The following WDR70 variants were observed in gnomAD, a reference collection of about 807,000 sequenced individuals.
WDR70 encodes WD repeat-containing protein 70.
A neutral mutation model predicts 88.6 loss-of-function variants in WDR70; 53 were observed. That is an observed-to-expected ratio of 0.60 (90% confidence interval 0.48 to 0.75). The LOEUF is 0.75. Ranked by LOEUF, WDR70 falls within the 30% of genes least tolerant of loss-of-function variation. The pLI, the probability that WDR70 is intolerant of heterozygous loss-of-function variation, is 0.00. For missense variants in WDR70, 610 were observed against 823.2 expected (o/e 0.74, Z 3.17); for synonymous variants, 280 against 270.0 (o/e 1.04, Z -0.36).
rs903734941 is a variant in WDR70 at position 37,580,404 on chromosome 5, A to T, written c.918-24660A>T. On this transcript the variant is annotated intron_variant, in intron 9 of 17. Transcript: ENST00000265107. ...AAGAGGGCTTCAAATCAGCCTGGATATTACCTACCATTGCTCTGGGTCTGA... is the reference window on the plus strand; with the variant it reads ...AAGAGGGCTTCAAATCAGCCTGGATTTTACCTACCATTGCTCTGGGTCTGA... Among the ~76,000 whole-genome samples the T allele has an allele frequency of 2.6e-5, 4 of 152,302 alleles. No individual in the cohort carries two copies. In the South Asian group the frequency reaches 8.3e-4, roughly 32 times the overall value.
chr5:37,633,560 A>G (rs1744876268), intron 10 of WDR70, among the ~76,000 whole-genome samples: 1 of 151,992 alleles, frequency 6.6e-6, no homozygotes, highest in Admixed American at 6.6e-5. Context: ...CCTATAAACC[A>G]TTTATTAGCA....
chr5:37,385,495 A>C (rs1748579602), intron 3 of WDR70, among the ~76,000 whole-genome samples: 1 of 133,272 alleles, frequency 7.5e-6, no homozygotes, highest in South Asian at 2.6e-4. Flanking sequence ...TCACAGCCTG[A>C]GTAAAAAAGC....
At chr5:37,572,225 G>T (rs139047257) in intron 9 of WDR70, among the ~76,000 whole-genome samples, 1 of 152,170 alleles carries the variant, frequency 6.6e-6, no homozygotes, top group Non-Finnish European at 1.5e-5. Context: ...CATTGTAGGA[G>T]AAATACACTG....
At chr5:37,722,830 A>G (rs1392046953) in intron 14 of WDR70, 25 bp from the exon 15 acceptor site, 1 of 1,611,392 alleles carries the variant, frequency 6.2e-7, no homozygotes, top group South Asian at 1.1e-5. Context: ...AAGTAAAGAA[A>G]ATAATTTGCT....
chr5:37,539,775 G>A (rs1490610841), intron 9 of WDR70, among the ~76,000 whole-genome samples: 1 of 152,152 alleles, frequency 6.6e-6, no homozygotes, highest in Non-Finnish European at 1.5e-5. Context: ...AGAGACATTA[G>A]TACATCACTA....
chr5:37,606,496 G>C (rs1277234284), intron 10 of WDR70, among the ~76,000 whole-genome samples: 1 of 152,070 alleles, frequency 6.6e-6, no homozygotes, highest in Non-Finnish European at 1.5e-5. Context: ...AGTGTTTTTT[G>C]TATAGTGTAT....
intron 5 of WDR70, among the ~76,000 whole-genome samples, chr5:37,433,446 ACTCT>A (rs1482406152): frequency 6.6e-6 from 1 of 151,670 alleles, no homozygotes; most frequent in Non-Finnish European, 1.5e-5. Flanking sequence ...CTGATTTGGA[ACTCT>A]CTCTCTGGCT....
At chr5:37,722,539 G>A (rs1561091092) in intron 14 of WDR70, 3 of 282,294 alleles carry the variant, frequency 1.1e-5, no homozygotes, top group East Asian at 7.9e-5. Flanking sequence ...AGAGTGAAAA[G>A]GTTGGGTAAT....
At chr5:37,727,466 G>A (rs900280636) in intron 17 of WDR70, among the ~76,000 whole-genome samples, 2 of 152,126 alleles carry the variant, frequency 1.3e-5, no homozygotes, top group African/African-American at 4.8e-5. Flanking sequence ...CTGCCTGCTC[G>A]TATTCCCTCA....
intron 7 of WDR70, among the ~76,000 whole-genome samples, chr5:37,464,188 T>C (rs1739092274): frequency 6.6e-6 from 1 of 152,230 alleles, no homozygotes; most frequent in South Asian, 2.1e-4. Context: ...TTTTCATGGT[T>C]ACTGGAGAAA....
intron 8 of WDR70, among the ~76,000 whole-genome samples, chr5:37,509,181 CTTTTTCTAA>C (rs967403385): frequency 3.3e-5 from 5 of 151,974 alleles, no homozygotes; most frequent in African/African-American, 1.2e-4. Flanking sequence ...TACTTGCCTT[CTTTTTCTAA>C]TATTTTAAGA....
At chr5:37,712,686 A>T (rs1747546784) in intron 13 of WDR70, among the ~76,000 whole-genome samples, 1 of 151,470 alleles carries the variant, frequency 6.6e-6, no homozygotes, top group African/African-American at 2.4e-5. Flanking sequence ...TTATCTCTTT[A>T]AAAAAAAACT....
intron 7 of WDR70, among the ~76,000 whole-genome samples, chr5:37,477,010 C>T (rs979272153): frequency 2.6e-5 from 4 of 152,150 alleles, no homozygotes; most frequent in African/African-American, 7.2e-5. Flanking sequence ...AAAGTGGACC[C>T]GTGCAGTTCA....
At chr5:37,640,464 T>C (rs1311208801) in intron 10 of WDR70, among the ~76,000 whole-genome samples, 2 of 152,154 alleles carry the variant, frequency 1.3e-5, no homozygotes, top group African/African-American at 4.8e-5. Context: ...GTTTTTTTCA[T>C]TGAGAGAATG....
At chr5:37,685,901 C>G (rs79867373) in intron 10 of WDR70, among the ~76,000 whole-genome samples, 1 of 152,186 alleles carries the variant, frequency 6.6e-6, no homozygotes, top group African/African-American at 2.4e-5. Flanking sequence ...AAGTTCCCAG[C>G]TTCCTCCCCC....
chr5:37,571,855 A>G (rs939118961), intron 9 of WDR70, among the ~76,000 whole-genome samples: 1 of 152,018 alleles, frequency 6.6e-6, no homozygotes, highest in Admixed American at 6.6e-5. Context: ...TATGTAAAGG[A>G]TATTTCTAAT....
intron 8 of WDR70, 36 bp downstream of exon 8, chr5:37,480,023 C>A: frequency 6.3e-7 from 1 of 1,580,040 alleles, no homozygotes; most frequent in South Asian, 1.2e-5. Context: ...TGAATTAATT[C>A]AGCACACATT....
chr5:37,724,839 T>C, intron 15 of WDR70, 95 bp from the exon 16 acceptor site: 1 of 1,168,576 alleles, frequency 8.6e-7, no homozygotes, highest in Non-Finnish European at 1.3e-6. Context: ...TCATTATGAC[T>C]TCCATTTCAT....
intron 8 of WDR70, among the ~76,000 whole-genome samples, chr5:37,499,916 T>G (rs1231811574): frequency 6.6e-6 from 1 of 152,172 alleles, no homozygotes; most frequent in East Asian, 1.9e-4. Flanking sequence ...TTTATCAATT[T>G]TTTTCTTTAT....
Sources: allele counts gnomAD v4.1 joint callset (sites outside exome capture counted in the v4.1 genomes callset), GRCh38; gene constraint gnomAD v4.1.1; transcripts MANE v1.5; gene names NCBI Gene and HGNC (gene_info 2026-07-23, HGNC 2026-07-21).